The following TTYH3 variants were observed in gnomAD, a reference collection of about 807,000 sequenced individuals.
The protein encoded by TTYH3 is protein tweety homolog 3.
In TTYH3, 23 loss-of-function variants were observed where a neutral mutation model predicts 68.2. The observed-to-expected ratio is 0.34, with a 90% CI of 0.24 to 0.48. The LOEUF (loss-of-function observed/expected upper bound fraction) is 0.48. TTYH3 is among the 20% of genes least tolerant of loss of function. The probability of loss-of-function intolerance (pLI) is 0.99; values close to 1 mark genes in which losing one functional copy is unlikely to be tolerated. For synonymous variants in TTYH3, 360 were observed against 332.8 expected, an observed-to-expected ratio of 1.08 and a Z score of -0.89; for missense variants, 768 against 727.7, an observed-to-expected ratio of 1.06 and a Z score of -0.64.
At position 2,661,658 on chromosome 7, in the gene TTYH3, C is replaced by T; in HGVS notation, c.1501-10C>T. 6.2e-7 allele frequency: 1 copy of T among 1,611,844 alleles called. No homozygotes were observed. The highest frequency in any genetic ancestry group is 8.5e-7 in the Non-Finnish European group (1 of 1,179,264). On this transcript the variant is annotated splice_polypyrimidine_tract_variant and intron_variant, in intron 13 of 13. Transcript: ENST00000258796. ...GGCCCTGCTGATGCCTCCCCCTTGT[C>T]TCCCTCCAGTACACCTCCAGCATGA...
At chr7:2,656,600 G>T in intron 11 of TTYH3, 66 bp downstream of exon 11, 1 of 1,544,252 alleles carries the variant, frequency 6.5e-7, no homozygotes, top group South Asian at 1.2e-5. Context: ...CACTTCAGGG[G>T]CATGCCTTTA....
chr7:2,645,922 C>T lies in TTYH3; in HGVS notation c.124-931C>T, dbSNP rs779434265. On this transcript the variant is annotated intron_variant, in intron 1 of 13. Coordinates refer to ENST00000258796, the MANE Select transcript of TTYH3 (RefSeq NM_025250.3). The surrounding 1 kb of genome is among the most constrained non-coding windows in gnomAD (Gnocchi z 4.8). ...TCTGGGCCTGAGACGGGGACGGGCT[C>T]TGGGGTCCTGGGGCTGTCTCGGGCT... The T allele has an allele frequency of 5.2e-5, 24 of 461,690 alleles. No individual in the cohort carries two copies. Among genetic ancestry groups the T allele is most frequent in the South Asian group, 3.3e-4 (21 of 63,736 alleles). 28.6% of individuals were successfully genotyped at this position (461,690 alleles called of 1,614,324 possible).
intron 13 of TTYH3, chr7:2,659,921 C>A: frequency 1.5e-6 from 2 of 1,300,698 alleles, no homozygotes; most frequent in Non-Finnish European, 2.0e-6. Flanking sequence ...TGCACCCCAC[C>A]CACCCCGGGC....
In TTYH3 at chr7:2,664,531, G is replaced by C. The variant is rs2115004528; in HGVS notation, c.*2792G>C. 6.6e-6 allele frequency: 1 copy of C among 151,446 alleles called. No homozygotes were observed. Among genetic ancestry groups the C allele is most frequent in the African/African-American group, 2.4e-5 (1 of 41,166 alleles). The allele number at this position is 151,446 out of a possible 1,614,324, so 9.4% of individuals were successfully genotyped here. A position where few individuals can be genotyped will look rare whatever the true frequency, so the allele number is the denominator to read the frequency against. ...GCCTCCTGGTTTACCCCCCCGGCCT[G>C]GGCATCTGACCTCCCCCACCCCAGT... On this transcript the variant is annotated 3_prime_UTR_variant, in exon 14 of 14. Coordinates refer to ENST00000258796, the MANE Select transcript of TTYH3 (RefSeq NM_025250.3).
chr7:2,644,100 G>A (rs772712018), intron 1 of TTYH3, among the ~76,000 whole-genome samples: 1 of 152,174 alleles, frequency 6.6e-6, no homozygotes, highest in Admixed American at 6.5e-5. Context: ...TGGCCCCCAG[G>A]CCATGGGAGC....
At chr7:2,651,566 C>A (rs1474146213) in intron 7 of TTYH3, among the ~76,000 whole-genome samples, 1 of 152,118 alleles carries the variant, frequency 6.6e-6, no homozygotes, top group Admixed American at 6.5e-5. Flanking sequence ...ATGAGCAGCG[C>A]CCCCTACACG....
chr7:2,637,680 C>T (rs946897678), intron 1 of TTYH3, among the ~76,000 whole-genome samples: 10 of 152,166 alleles, frequency 6.6e-5, no homozygotes, highest in South Asian at 2.1e-4. Flanking sequence ...AAGTGCCTGA[C>T]GTGGCCACCG....
rs891943365 is a variant in TTYH3, at chr7:2,632,382, TC to T, written c.123+111del. The stretch of plus-strand genomic sequence containing the variant: ...TCCCCGAGGGCCTAAAGACCCCTCA[TC>T]CCCCCCTCCAGGGTCACGGCCACCT... On this transcript the variant is annotated intron_variant, in intron 1 of 13. Transcript: ENST00000258796. 97 of 1,192,488 alleles carry T rather than the reference TC, an allele frequency of 8.1e-5. 1 individual carries two copies. In the Middle Eastern group the frequency reaches 1.0e-3, roughly 13 times the overall value. 73.9% of individuals were successfully genotyped at this position (1,192,488 alleles called of 1,614,324 possible).
Position 2,632,642 on chromosome 7 carries a change from C to G in TTYH3, c.123+364C>G, listed in dbSNP as rs990656365. 1.3e-5 allele frequency among the ~76,000 whole-genome samples: 2 copies of G among 152,328 alleles called. 1 individual carries two copies. ...AGCCCCCTTGGCCAGTGGAGGGCCT[C>G]TCCACCATCACTGTTGGCGGCCTGG... On this transcript the variant is annotated intron_variant, in intron 1 of 13. Transcript: ENST00000258796.
rs553454081 is a variant in TTYH3, at chr7:2,663,161, C to G, written c.*1422C>G. ...GCCCTGGCCCAGCCAGCCCAGCCCT[C>G]GAGGCTCGATGCCTGTGCCAAGGCC... On this transcript the variant is annotated 3_prime_UTR_variant, in exon 14 of 14. Transcript: ENST00000258796. 9.2e-5 allele frequency: 14 copies of G among 152,426 alleles called. No individual in the cohort carries two copies. The highest frequency in any genetic ancestry group is 9.2e-4 in the Admixed American group (14 of 15,294). The allele number at this position is 152,426 out of a possible 1,614,324, so 9.4% of individuals were successfully genotyped here. A position where few individuals can be genotyped will look rare whatever the true frequency, so the allele number is the denominator to read the frequency against.
intron 1 of TTYH3, among the ~76,000 whole-genome samples, chr7:2,638,272 T>C (rs555901454): frequency 2.6e-5 from 4 of 151,782 alleles, no homozygotes; most frequent in Non-Finnish European, 5.9e-5. Flanking sequence ...ATTTTCCGGG[T>C]GTCACGCTGG....
At chr7:2,643,315 A>T (rs1326905703) in intron 1 of TTYH3, among the ~76,000 whole-genome samples, 2 of 148,778 alleles carry the variant, frequency 1.3e-5, no homozygotes, top group Non-Finnish European at 3.0e-5. Context: ...AGATGGCGCC[A>T]CTGCACTCCA....
Position 2,656,435 on chromosome 7 carries a change from G to A in TTYH3, c.1151G>A (p.Gly384Asp), listed in dbSNP as rs1253781727. 8.1e-6 allele frequency: 13 copies of A among 1,611,794 alleles called. No individual in the cohort carries two copies. The highest frequency in any genetic ancestry group is 6.6e-5 in the South Asian group (6 of 91,062). ...GCGCTGACCGGCTTCTGCTATGACG[G>A]CGTGGAGGGCCTCATCTACCTGGCC... is the stretch of plus-strand genomic sequence containing the variant. Reference protein sequence around the residue: ...VQALTGFCYDGVEGLIYLALF... With the variant: ...VQALTGFCYDDVEGLIYLALF... The change falls in exon 11 of 14, where the codon GGC (glycine) becomes GAC (aspartate). Residue 384 changes from glycine (G) to aspartate (D), a missense_variant. Physicochemically the swap from Gly to Asp is moderately conservative, Grantham distance 94 (BLOSUM62 -1). Coordinates refer to ENST00000258796, the MANE Select transcript of TTYH3 (RefSeq NM_025250.3).
chr7:2,650,264 G>T (rs565727462), intron 7 of TTYH3, among the ~76,000 whole-genome samples: 2 of 152,212 alleles, frequency 1.3e-5, no homozygotes, highest in Admixed American at 1.3e-4. Context: ...CCCAGGGGAG[G>T]CCAAATGGGT....
chr7:2,638,622 G>T (rs1447393242), intron 1 of TTYH3, among the ~76,000 whole-genome samples: 1 of 152,190 alleles, frequency 6.6e-6, no homozygotes, highest in Non-Finnish European at 1.5e-5. Context: ...CCCGACCCCG[G>T]CTCCCACGTG....
intron 9 of TTYH3, 26 bp from the exon 10 acceptor site, chr7:2,656,066 G>A (rs1212589539): frequency 6.6e-7 from 1 of 1,516,414 alleles, no homozygotes; most frequent in Non-Finnish European, 8.9e-7. Context: ...ATGAAGTGCT[G>A]ACCATCTGCG....
intron 5 of TTYH3, among the ~76,000 whole-genome samples, chr7:2,649,136 G>T (rs753476671): frequency 6.6e-6 from 1 of 152,100 alleles, no homozygotes; most frequent in Non-Finnish European, 1.5e-5. Flanking sequence ...GGCCAGTGCC[G>T]TAGCAAGAGC....
In TTYH3 at chr7:2,645,949, G is replaced by A. The variant is rs1458618982; in HGVS notation, c.124-904G>A. On this transcript the variant is annotated intron_variant, in intron 1 of 13. Coordinates refer to ENST00000258796, the MANE Select transcript of TTYH3 (RefSeq NM_025250.3). This position sits in a 1 kb window ranked among gnomAD's most constrained non-coding sequence, Gnocchi z 4.8. ...GGGGTCCTGGGGCTGTCTCGGGCTG[G>A]GGGTGAGGACAGTAGCTGATGCCGG... 2 of 442,142 alleles carry A rather than the reference G, an allele frequency of 4.5e-6. No homozygotes were observed. The highest frequency in any genetic ancestry group is 4.1e-5 in the African/African-American group (2 of 49,242). The allele number at this position is 442,142 out of a possible 1,614,324, so 27.4% of individuals were successfully genotyped here. A position where few individuals can be genotyped will look rare whatever the true frequency, so the allele number is the denominator to read the frequency against.
chr7:2,649,564 C>A lies in TTYH3; in HGVS notation c.723-3C>A. The A allele has an allele frequency of 6.3e-7, 1 of 1,581,540 alleles. No homozygotes were observed. The highest frequency in any genetic ancestry group is 2.3e-5 in the East Asian group (1 of 43,942). On this transcript the variant is annotated splice_region_variant and splice_polypyrimidine_tract_variant and intron_variant, in intron 5 of 13. Coordinates refer to ENST00000258796, the MANE Select transcript of TTYH3 (RefSeq NM_025250.3). ...GGCTGCTGACTGGCTGTCTCTGCCC[C>A]AGGGTCTGCCTGCTGGGAGTCCTGG...
Sources: gnomAD v4.1 joint callset for allele counts (sites outside exome capture counted in the v4.1 genomes callset) on GRCh38, gnomAD v4.1.1 for gene constraint, Gnocchi (gnomAD v3.1) non-coding constraint, MANE v1.5 for transcripts, NCBI Gene and HGNC (gene_info 2026-07-23, HGNC 2026-07-21) for gene names.